NRCAM: variants seen among roughly 807,000 people sequenced by gnomAD.
NRCAM encodes the protein neuronal cell adhesion molecule, also known as NgCAM-related cell adhesion molecule.
Under a neutral mutation model 156.5 loss-of-function variants are expected in NRCAM, and 83 were observed. That is an observed-to-expected ratio of 0.53 (90% CI 0.44 to 0.64). The LOEUF (loss-of-function observed/expected upper bound fraction) is 0.64. NRCAM is among the 30% of genes least tolerant of loss of function. The probability of loss-of-function intolerance (pLI) is 0.00; values close to 1 mark genes in which losing one functional copy is unlikely to be tolerated. For synonymous variants in NRCAM, 538 were observed against 563.9 expected (o/e 0.95, Z 0.65); for missense variants, 1,417 against 1,597.3 (o/e 0.89, Z 1.92).
At chr7:108,306,584 T>C (rs1425079077) in intron 3 of NRCAM, among the ~76,000 whole-genome samples, 1 of 152,210 alleles carries the variant, frequency 6.6e-6, no homozygotes, top group Non-Finnish European at 1.5e-5. Context: ...GTAGAAGTCT[T>C]ATGTCTCAAA....
intron 1 of NRCAM, among the ~76,000 whole-genome samples, chr7:108,423,885 G>A (rs7787736): frequency 0.9 from 137,079 of 152,266 alleles, 62,148 homozygotes; most frequent in East Asian, 1. Flanking sequence ...TGACGTCAGA[G>A]TGTTGAAATC....
intron 1 of NRCAM, among the ~76,000 whole-genome samples, chr7:108,428,177 T>A (rs972818152): frequency 6.6e-6 from 1 of 152,210 alleles, no homozygotes; most frequent in African/African-American, 2.4e-5. Context: ...CACAACACCA[T>A]GCTATTTATT....
chr7:108,159,592 T>C, intron 31 of NRCAM, 51 bp from the exon 32 acceptor site: 1 of 1,400,996 alleles, frequency 7.1e-7, no homozygotes, highest in East Asian at 2.3e-5. Context: ...TTCTTTCTTA[T>C]TCAAAGTCCA....
At chr7:108,263,624 C>T (rs1247488060) in intron 3 of NRCAM, among the ~76,000 whole-genome samples, 1 of 152,212 alleles carries the variant, frequency 6.6e-6, no homozygotes, top group Non-Finnish European at 1.5e-5. Context: ...AAACCCTTAC[C>T]CCTACCATGA....
chr7:108,302,356 A>C (rs2098639608), intron 3 of NRCAM, among the ~76,000 whole-genome samples: 1 of 152,132 alleles, frequency 6.6e-6, no homozygotes, highest in Admixed American at 6.5e-5. Flanking sequence ...TCTCTTGGAG[A>C]TGACTGATGG....
intron 2 of NRCAM, among the ~76,000 whole-genome samples, chr7:108,360,387 T>C (rs1315368322): frequency 6.6e-6 from 1 of 152,100 alleles, no homozygotes; most frequent in Admixed American, 6.5e-5. Flanking sequence ...TACATTCAAA[T>C]GAAGGAGCAG....
intron 11 of NRCAM, among the ~76,000 whole-genome samples, chr7:108,217,835 T>C (rs998418512): frequency 2.6e-5 from 4 of 152,218 alleles, no homozygotes; most frequent in African/African-American, 7.2e-5. Context: ...TTCAAATCAG[T>C]GGATCTTAGC....
chr7:108,215,872 CA>C (rs1183185155), intron 11 of NRCAM, among the ~76,000 whole-genome samples: 1 of 152,156 alleles, frequency 6.6e-6, no homozygotes, highest in African/African-American at 2.4e-5. Flanking sequence ...TCCAATTTGC[CA>C]GCCTGCGTCT....
rs532397473 is a variant in NRCAM at position 108,283,327 on chromosome 7, T to C, written c.-107+29338A>G. ...TTTGCAACTAAGCAGAAAGTACAAT[T>C]ACATGAGTGATCATAATATTTGGTA... On this transcript the variant is annotated intron_variant, in intron 3 of 32. Transcript: ENST00000379028. Among the ~76,000 whole-genome samples, 4 of 152,318 alleles carry C rather than the reference T, an allele frequency of 2.6e-5. No individual in the cohort carries two copies. The South Asian group carries it at 8.3e-4, about 32-fold the overall frequency.
At chr7:108,168,194 A>T (rs12537654) in intron 29 of NRCAM, 83 bp downstream of exon 29, 1 of 1,318,248 alleles carries the variant, frequency 7.6e-7, no homozygotes, top group South Asian at 2.1e-5. Flanking sequence ...AAGATGATCC[A>T]TAGTAAATTC....
chr7:108,347,228 G>A (rs750354279), intron 2 of NRCAM, among the ~76,000 whole-genome samples: 1 of 151,330 alleles, frequency 6.6e-6, no homozygotes, highest in Non-Finnish European at 1.5e-5. Context: ...TATAGAGATG[G>A]GATTTCACCG....
rs924515042 is a variant in NRCAM at position 108,400,360 on chromosome 7, C to T, written c.-331-767G>A. ...TCTGTAGTAAGAAGAGCAGAAACCA[C>T]GAGTTCTAGACCTGCCTCCACCACT... On this transcript the variant is annotated intron_variant, in intron 1 of 32. Transcript: ENST00000379028. Among the ~76,000 whole-genome samples, 16 of 152,218 alleles carry T rather than the reference C, an allele frequency of 1.1e-4. No homozygotes were observed. The East Asian group carries it at 1.2e-3, about 11-fold the overall frequency.
chr7:108,452,409 G>C (rs544118006), intron 1 of NRCAM, among the ~76,000 whole-genome samples: 1 of 86,192 alleles, frequency 1.2e-5, no homozygotes, highest in Non-Finnish European at 2.8e-5. Flanking sequence ...TTAATGCTGT[G>C]GGGGGGGGAA....
At chr7:108,347,849 T>A (rs567724849) in intron 2 of NRCAM, among the ~76,000 whole-genome samples, 12 of 152,324 alleles carry the variant, frequency 7.9e-5, no homozygotes, top group African/African-American at 2.9e-4. Context: ...GCTCAGACTC[T>A]GTTCCCCAGC....
intron 2 of NRCAM, among the ~76,000 whole-genome samples, chr7:108,349,461 G>T (rs942827441): frequency 6.6e-6 from 1 of 151,736 alleles, no homozygotes; most frequent in African/African-American, 2.4e-5. Context: ...GTAGAGACGG[G>T]GTTTCACTGT....
chr7:108,368,224 A>ACCCCCCCCCCCCCCCC (rs67897117), intron 2 of NRCAM, among the ~76,000 whole-genome samples: 246 of 91,036 alleles, frequency 2.7e-3, no homozygotes, highest in Middle Eastern at 5.0e-3. Flanking sequence ...ACACTTTCAT[A>ACCCCCCCCCCCCCCCC]CCCCCCCCCA....
intron 1 of NRCAM, among the ~76,000 whole-genome samples, chr7:108,399,865 T>C (rs762196957): frequency 2.6e-5 from 4 of 152,062 alleles, no homozygotes; most frequent in Non-Finnish European, 5.9e-5. Flanking sequence ...TACCCCTAAA[T>C]AGCAGGAAAC....
At chr7:108,154,932 G>C (rs2044078856) in intron 32 of NRCAM, among the ~76,000 whole-genome samples, 1 of 151,928 alleles carries the variant, frequency 6.6e-6, no homozygotes, top group African/African-American at 2.4e-5. Context: ...CAGTATGAGG[G>C]CTTGCCTTTT....
intron 6 of NRCAM, 33 bp from the exon 7 acceptor site, chr7:108,232,555 T>C (rs772733504): frequency 5.4e-6 from 8 of 1,491,656 alleles, no homozygotes; most frequent in South Asian, 1.3e-5. Context: ...AGTGTATTAA[T>C]GGTCCAGAAA....
Sources: allele counts gnomAD v4.1 joint callset (sites outside exome capture counted in the v4.1 genomes callset), GRCh38; gene constraint gnomAD v4.1.1; transcripts MANE v1.5; gene names NCBI Gene and HGNC (gene_info 2026-07-23, HGNC 2026-07-21).